The following NDUFA5 variants were observed in gnomAD, a reference collection of about 807,000 sequenced individuals.
The protein encoded by NDUFA5 is NADH:ubiquinone oxidoreductase subunit A5, also known as NADH dehydrogenase [ubiquinone] 1 alpha subcomplex subunit 5.
Under a neutral mutation model 19.8 loss-of-function variants are expected in NDUFA5, and 11 were observed. That is an observed-to-expected ratio of 0.56 (90% CI 0.35 to 0.92). The LOEUF (loss-of-function observed/expected upper bound fraction) is 0.92. NDUFA5 is among the 40% of genes least tolerant of loss of function. The probability of loss-of-function intolerance (pLI) is 0.01; values close to 1 mark genes in which losing one functional copy is unlikely to be tolerated. For missense variants in NDUFA5, 109 were observed against 134.2 expected (o/e 0.81, Z 0.93); for synonymous variants, 47 against 46.8 (o/e 1.00, Z -0.01).
intron 3 of NDUFA5, among the ~76,000 whole-genome samples, chr7:123,548,190 C>A (rs1203414878): frequency 6.6e-6 from 1 of 152,078 alleles, no homozygotes; most frequent in Non-Finnish European, 1.5e-5. Flanking sequence ...TTGTGTGTGG[C>A]TGTATGCAGG....
At chr7:123,557,365 T>G in intron 2 of NDUFA5, 39 bp downstream of exon 2, 1 of 1,613,206 alleles carries the variant, frequency 6.2e-7, no homozygotes, top group Non-Finnish European at 8.5e-7. Flanking sequence ...TTAGTCTTCC[T>G]TGGGAATTCA....
At position 123,537,997 on chromosome 7, in the gene NDUFA5, G is replaced by A. The variant is rs1797803819; in HGVS notation, c.*4122C>T. ...GTACCACAAAAAATTAGCTGCTAAT[G>A]TAAACCTAAAGACCAATTTGAAAAT... is the stretch of plus-strand genomic sequence containing the variant. On this transcript the variant is annotated 3_prime_UTR_variant, in exon 5 of 5. Coordinates refer to ENST00000355749, the MANE Select transcript of NDUFA5 (RefSeq NM_005000.5). The A allele has an allele frequency of 6.6e-6, 1 of 152,138 alleles. No homozygotes were observed. The highest frequency in any genetic ancestry group is 2.1e-4 in the South Asian group (1 of 4,826). 9.4% of individuals were successfully genotyped at this position (152,138 alleles called of 1,614,324 possible). A position where few individuals can be genotyped will look rare whatever the true frequency, so the allele number is the denominator to read the frequency against.
rs577809401 is a variant in NDUFA5 at position 123,557,588 on chromosome 7, G to C, written c.22-140C>G. 330 of 1,612,916 alleles carry C rather than the reference G, an allele frequency of 2.0e-4. 3 individuals carry two copies. The South Asian group carries it at 2.1e-3, about 10-fold the overall frequency. ...CTGGTCTCTCAGTCTCGCTTGTTTG[G>C]AGCTTTTTTCCTGACTCTCGGAGCG... On this transcript the variant is annotated intron_variant, in intron 1 of 4. Coordinates refer to ENST00000355749, the MANE Select transcript of NDUFA5 (RefSeq NM_005000.5).
chr7:123,572,644 A>T, the NDUFA5 span, among the ~76,000 whole-genome samples: 1 of 148,302 alleles, frequency 6.7e-6, no homozygotes. Flanking sequence ...GGTATGTCTG[A>T]TATTATTACC....
chr7:123,559,857 CAAA>C (rs201033454), upstream of NDUFA5, among the ~76,000 whole-genome samples: 7 of 46,488 alleles, frequency 1.5e-4, no homozygotes, highest in Non-Finnish European at 2.5e-4. Context: ...TTCCGTCTCA[CAAA>C]AAAAAAAAAA....
At chr7:123,580,551 T>C in the NDUFA5 span, among the ~76,000 whole-genome samples, 1 of 152,162 alleles carries the variant, frequency 6.6e-6, no homozygotes, top group African/African-American at 2.4e-5. Flanking sequence ...TTTGCAAGAA[T>C]GCCATGAGGT....
At chr7:123,570,027 A>T in the NDUFA5 span, among the ~76,000 whole-genome samples, 207 of 134,510 alleles carry the variant, frequency 1.5e-3, no homozygotes, top group Admixed American at 4.6e-3. Flanking sequence ...CTACTGCCAT[A>T]GCTTTTTTTT....
chr7:123,591,408 C>T, the NDUFA5 span, among the ~76,000 whole-genome samples: 39 of 152,154 alleles, frequency 2.6e-4, no homozygotes, highest in Non-Finnish European at 3.7e-4. Context: ...CCAGTTTTTG[C>T]CCACTTAGTA....
chr7:123,593,295 T>C, the NDUFA5 span, among the ~76,000 whole-genome samples: 1 of 152,188 alleles, frequency 6.6e-6, no homozygotes, highest in African/African-American at 2.4e-5. Flanking sequence ...TTGTTATGTG[T>C]GAGTTTGATC....
the NDUFA5 span, among the ~76,000 whole-genome samples, chr7:123,571,861 C>T: frequency 6.6e-6 from 1 of 151,946 alleles, no homozygotes; most frequent in Non-Finnish European, 1.5e-5. Flanking sequence ...ACCTCCTGGG[C>T]CCGAGTGATC....
chr7:123,543,078 C>T (rs1411872091), intron 4 of NDUFA5, among the ~76,000 whole-genome samples: 3 of 152,012 alleles, frequency 2.0e-5, no homozygotes, highest in East Asian at 3.9e-4. Context: ...TCTATGACAG[C>T]GGTCCCAAAA....
At chr7:123,591,281 T>C in the NDUFA5 span, among the ~76,000 whole-genome samples, 2 of 152,302 alleles carry the variant, frequency 1.3e-5, no homozygotes, top group African/African-American at 4.8e-5. Context: ...CCTGATTGAA[T>C]ACCCTATATT....
At chr7:123,579,671 T>C in the NDUFA5 span, among the ~76,000 whole-genome samples, 1 of 152,102 alleles carries the variant, frequency 6.6e-6, no homozygotes, top group Non-Finnish European at 1.5e-5. Flanking sequence ...CTCCTTCTGC[T>C]CCTGGGAGTT....
At chr7:123,597,926 G>GTGTA in the NDUFA5 span, among the ~76,000 whole-genome samples, 2,248 of 149,368 alleles carry the variant, frequency 0.015, 30 homozygotes, top group African/African-American at 0.03. Context: ...TCGTGTGTGT[G>GTGTA]TGTGTGTGTG....
At chr7:123,589,333 T>C in the NDUFA5 span, among the ~76,000 whole-genome samples, 1 of 148,598 alleles carries the variant, frequency 6.7e-6, no homozygotes, top group African/African-American at 2.5e-5. Context: ...TCATTATTAT[T>C]ATTATACTTT....
rs552840140 is a variant in NDUFA5 at position 123,553,068 on chromosome 7, G to A, written c.67-2482C>T. Among the ~76,000 whole-genome samples, 3 of 152,154 alleles carry A rather than the reference G, an allele frequency of 2.0e-5. No individual in the cohort carries two copies. The East Asian group carries it at 5.8e-4, about 29-fold the overall frequency. On this transcript the variant is annotated intron_variant, in intron 2 of 4. Coordinates refer to ENST00000355749, the MANE Select transcript of NDUFA5 (RefSeq NM_005000.5). ...CCAGCCCCAGACAGTCGCTACCCGC[G>A]AAAAAATATACTCAGTACTTCCATG...
At chr7:123,559,877 G>GAAAAAAAAAAAAA (rs1798667553), upstream of NDUFA5, among the ~76,000 whole-genome samples, 1 of 142,438 alleles carries the variant, frequency 7.0e-6, no homozygotes. Context: ...AAAAAAAAAG[G>GAAAAAAAAAAAAA]AAAGAAAAAA....
Position 123,538,662 on chromosome 7 carries a change from T to TTA in NDUFA5, c.*3455_*3456dup, listed in dbSNP as rs1797824890. On this transcript the variant is annotated 3_prime_UTR_variant, in exon 5 of 5. Coordinates refer to ENST00000355749, the MANE Select transcript of NDUFA5 (RefSeq NM_005000.5). ...ACCTCGGCCTCCCAAAGTAGTGGGATTATAGGTGTGAGCCACCACGCCTCC... is the reference window on the plus strand; with the variant it reads ...ACCTCGGCCTCCCAAAGTAGTGGGATTATATAGGTGTGAGCCACCACGCCTCC... 1.3e-5 allele frequency: 2 copies of TTA among 152,172 alleles called. No homozygotes were observed. The highest frequency in any genetic ancestry group is 4.8e-5 in the African/African-American group (2 of 41,440). The allele number at this position is 152,172 out of a possible 1,614,324, so 9.4% of individuals were successfully genotyped here. A position where few individuals can be genotyped will look rare whatever the true frequency, so the allele number is the denominator to read the frequency against.
At chr7:123,591,577 T>C in the NDUFA5 span, among the ~76,000 whole-genome samples, 1 of 152,180 alleles carries the variant, frequency 6.6e-6, no homozygotes. Context: ...TTGTTGTTGG[T>C]TCTGTTTATG....
Sources: allele counts gnomAD v4.1 joint callset (sites outside exome capture counted in the v4.1 genomes callset), GRCh38; gene constraint gnomAD v4.1.1; transcripts MANE v1.5; gene names NCBI Gene and HGNC (gene_info 2026-07-23, HGNC 2026-07-21).